The following CAPN15 variants were observed in gnomAD, a reference collection of about 807,000 sequenced individuals.
CAPN15 encodes the protein calpain-15.
Under a neutral mutation model 97.9 loss-of-function variants are expected in CAPN15, and 53 were observed. The observed-to-expected ratio is 0.54, with a 90% CI of 0.43 to 0.68. The LOEUF is 0.68. Ranked by LOEUF, CAPN15 falls within the 30% of genes least tolerant of loss-of-function variation. The pLI is 0.00. For missense variants in CAPN15, 1,592 were observed against 1,589.8 expected, an observed-to-expected ratio of 1.00 and a Z score of -0.02; for synonymous variants, 922 against 722.5, an observed-to-expected ratio of 1.28 and a Z score of -4.43.
At chr16:536,467 G>A (rs541634485) in intron 3 of CAPN15, among the ~76,000 whole-genome samples, 63 of 151,632 alleles carry the variant, frequency 4.2e-4, no homozygotes, top group African/African-American at 8.0e-4. Flanking sequence ...CTGTCGCCCC[G>A]GCTGGAGTGC....
Position 547,295 on chromosome 16 carries a change from A to G in CAPN15, c.457A>G (p.Thr153Ala). ...AGGGGGCTGGGCGTGTCCGCGTTGCACGCTGCACAACACGCCCGTGGCCAG... is the reference window on the plus strand; with the variant it reads ...AGGGGGCTGGGCGTGTCCGCGTTGCGCGCTGCACAACACGCCCGTGGCCAG... ...PRGGWACPRCTLHNTPVASSC... is the reference protein window; with the variant it reads ...PRGGWACPRCALHNTPVASSC... Residue 153 changes from threonine to alanine, a missense_variant, in exon 4 of 14, where the codon ACG becomes GCG. This residue lies in a region of CAPN15 where 883 missense variants were observed against 776.6 expected (regional missense o/e 1.14). Transcript: ENST00000219611. 1 of 1,516,856 alleles carries G rather than the reference A, an allele frequency of 6.6e-7. No individual in the cohort carries two copies. Among genetic ancestry groups the G allele is most frequent in the Non-Finnish European group, 8.8e-7 (1 of 1,136,642 alleles). 94.0% of individuals were successfully genotyped at this position (1,516,856 alleles called of 1,614,324 possible). A position where few individuals can be genotyped will look rare whatever the true frequency, so the allele number is the denominator to read the frequency against.
intron 7 of CAPN15, among the ~76,000 whole-genome samples, chr16:550,838 G>C (rs1339003131): frequency 8.0e-6 from 1 of 124,842 alleles, no homozygotes; most frequent in East Asian, 2.4e-4. Flanking sequence ...CCCCGTCGGT[G>C]ATGGCCCCGG....
chr16:554,408 A>AC lies in CAPN15; in HGVS notation c.*896dup, dbSNP rs2035307498. On this transcript the variant is annotated 3_prime_UTR_variant, in exon 14 of 14. Transcript: ENST00000219611. ...CGGCCTCGCCCCCACTCCCCCTCCT[A>AC]CCCCGGCAGGGGCTTCCGGGGCCTT... 2.3e-6 allele frequency: 1 copy of AC among 426,980 alleles called. No homozygotes were observed. The highest frequency in any genetic ancestry group is 2.0e-5 in the African/African-American group (1 of 48,850). The allele number at this position is 426,980 out of a possible 1,614,324, so 26.4% of individuals were successfully genotyped here.
intron 7 of CAPN15, among the ~76,000 whole-genome samples, chr16:550,283 C>T (rs573644814): frequency 5.9e-5 from 9 of 152,350 alleles, no homozygotes; most frequent in Admixed American, 5.2e-4. Flanking sequence ...GAGCCCTCCT[C>T]TCAGCTGACC....
At position 547,193 on chromosome 16, in the gene CAPN15, G is replaced by C. The variant is rs560874988; in HGVS notation, c.355G>C (p.Ala119Pro). The C allele has an allele frequency of 4.6e-6, 7 of 1,532,958 alleles. No individual in the cohort carries two copies. The highest frequency in any genetic ancestry group is 1.8e-4 in the Middle Eastern group (1 of 5,626). 95.0% of individuals were successfully genotyped at this position (1,532,958 alleles called of 1,614,324 possible). The part of the protein sequence containing the change: ...RTAGLVATEP[A>P]RGQCEDKDEE... ...TGCGGGGCTGGTGGCCACGGAGCCC[G>C]CCAGGGGGCAGTGCGAGGACAAGGA... The change falls in exon 4 of 14, where the codon GCC (alanine) becomes CCC (proline). Residue 119 changes from alanine to proline, a missense_variant. Physicochemically the swap from Ala to Pro is conservative, Grantham distance 27. Transcript: ENST00000219611.
intron 3 of CAPN15, among the ~76,000 whole-genome samples, chr16:546,290 A>G (rs181287137): frequency 3.7e-4 from 56 of 152,220 alleles, no homozygotes; most frequent in Non-Finnish European, 7.2e-4. Context: ...TTCAGGCCAT[A>G]TTTACAAGAA....
At chr16:537,637 A>G (rs1404925792) in intron 3 of CAPN15, 1 of 173,500 alleles carries the variant, frequency 5.8e-6, no homozygotes, top group Non-Finnish European at 1.1e-5. Context: ...GGGTTTGGCT[A>G]CAGAAGGGGA....
chr16:538,305 TG>T (rs59037020), intron 3 of CAPN15: 81,434 of 151,066 alleles, frequency 0.54, 23,009 homozygotes, highest in African/African-American at 0.73. Context: ...TTTTTTTTTT[TG>T]ATTTTTTTCC....
Position 551,438 on chromosome 16 carries a change from C to A in CAPN15, c.2192+11C>A, listed in dbSNP as rs923974235. The A allele has an allele frequency of 2.5e-6, 4 of 1,603,240 alleles. No homozygotes were observed. Among genetic ancestry groups the A allele is most frequent in the Non-Finnish European group, 3.4e-6 (4 of 1,172,712 alleles). On this transcript the variant is annotated intron_variant, in intron 8 of 13. Transcript: ENST00000219611. ...TGTCCAGGGCACCAGGTAGGGCCGG[C>A]CTGGCTGAGGGTGGGTGGGGTGCCG...
intron 3 of CAPN15, among the ~76,000 whole-genome samples, chr16:540,676 C>T (rs547453664): frequency 8.5e-5 from 13 of 152,338 alleles, no homozygotes; most frequent in African/African-American, 3.1e-4. Flanking sequence ...GGGTCGCTGG[C>T]GGCTGCAGGC....
intron 3 of CAPN15, chr16:537,259 A>G (rs994841806): frequency 1.0e-6 from 1 of 985,536 alleles, no homozygotes; most frequent in Non-Finnish European, 1.2e-6. Context: ...CTCCAGCTCA[A>G]GAAAGGTTTT....
chr16:534,920 G>C (rs1028049187), intron 2 of CAPN15, among the ~76,000 whole-genome samples: 2 of 152,204 alleles, frequency 1.3e-5, no homozygotes, highest in African/African-American at 2.4e-5. Flanking sequence ...CCAGGAGCAG[G>C]TGCTGTGTGA....
At chr16:540,845 T>A (rs1443181770) in intron 3 of CAPN15, among the ~76,000 whole-genome samples, 1 of 152,196 alleles carries the variant, frequency 6.6e-6, no homozygotes, top group Non-Finnish European at 1.5e-5. Context: ...ACCCGCTGCG[T>A]CCCTCAGGAG....
Position 548,100 on chromosome 16 carries a change from G to A in CAPN15, c.1262G>A (p.Cys421Tyr). 1 of 1,541,792 alleles carries A rather than the reference G, an allele frequency of 6.5e-7. No homozygotes were observed. The highest frequency in any genetic ancestry group is 8.7e-7 in the Non-Finnish European group (1 of 1,144,382). ...CCGGGCCAGTGGGCCTGCCCTGCCTGTACCCTGCTCAACGCACTGCGGGCC... is the reference window on the plus strand; with the variant it reads ...CCGGGCCAGTGGGCCTGCCCTGCCTATACCCTGCTCAACGCACTGCGGGCC... The part of the protein sequence containing the change: ...ERPGQWACPA[C>Y]TLLNALRAKH... The change falls in exon 4 of 14, where the codon TGT becomes TAT. Residue 421 changes from cysteine (C) to tyrosine (Y), a missense_variant. By Grantham distance (194) the Cys-to-Tyr change is radical. Transcript: ENST00000219611.
rs374570916 is a variant in CAPN15, at chr16:552,374, G to T, written c.2581G>T (p.Gly861Cys). Residue 861 changes from glycine to cysteine, a missense_variant, in exon 11 of 14, where the codon GGC becomes TGC. Physicochemically the swap from Gly to Cys is radical, Grantham distance 159. Transcript: ENST00000219611. This position sits in a 1 kb window ranked among gnomAD's most constrained non-coding sequence, Gnocchi z 6.4. ...GTTCCGGGCCACGTTCGGCAGCGGC[G>T]GCCACCTCAGCCTGGGCCGCCTCCT... The part of the protein sequence containing the change: ...LVFRATFGSG[G>C]HLSLGRLLAH... The T allele has an allele frequency of 6.2e-7, 1 of 1,602,348 alleles. No homozygotes were observed.
chr16:544,133 C>T (rs1358270288), intron 3 of CAPN15, among the ~76,000 whole-genome samples: 2 of 152,162 alleles, frequency 1.3e-5, no homozygotes, highest in Non-Finnish European at 2.9e-5. Flanking sequence ...GGCTGACCGG[C>T]GCCGGGCTGT....
At position 549,982 on chromosome 16, in the gene CAPN15, A is replaced by G. The variant is rs1567155937; in HGVS notation, c.2066+144A>G. On this transcript the variant is annotated intron_variant, in intron 7 of 13. Transcript: ENST00000219611. ...TGGGCTGACCCCGCGTGGCCAGGCCACAGCCCCAATCACCTCCCCCTCCCT... is the reference window on the plus strand; with the variant it reads ...TGGGCTGACCCCGCGTGGCCAGGCCGCAGCCCCAATCACCTCCCCCTCCCT... The G allele has an allele frequency of 3.3e-5, 22 of 659,402 alleles. 2 individuals carry two copies. The East Asian group carries it at 5.8e-4, about 17-fold the overall frequency. The allele number at this position is 659,402 out of a possible 1,614,324, so 40.8% of individuals were successfully genotyped here.
At chr16:545,408 C>T (rs770763669) in intron 3 of CAPN15, among the ~76,000 whole-genome samples, 2 of 152,134 alleles carry the variant, frequency 1.3e-5, no homozygotes, top group South Asian at 2.1e-4. Context: ...GCGCAGACTG[C>T]GGGGTCAGTG....
rs368490813 is a variant in CAPN15 at position 549,617 on chromosome 16, G to A, written c.1845G>A (p.Ala615=). 422 of 1,540,066 alleles carry A rather than the reference G, an allele frequency of 2.7e-4. 1 individual carries two copies. In the African/African-American group the frequency reaches 4.3e-3, roughly 16 times the overall value. Reference sequence around the variant, plus strand: ...GCCTCTGACCCGGCCCTCTGCAGGCGCAGCGGAAGCAGCTGTGGGTGGCCC... The same window carrying A: ...GCCTCTGACCCGGCCCTCTGCAGGCACAGCGGAAGCAGCTGTGGGTGGCCC... ...DEAGCLLFSQ[A]QRKQLWVALI... is the part of the protein sequence containing the mutation. Residue 615 remains alanine, a splice_region_variant and synonymous_variant, in exon 7 of 14, where the codon GCG becomes GCA. Transcript: ENST00000219611.
Sources: gnomAD v4.1 joint callset for allele counts (sites outside exome capture counted in the v4.1 genomes callset) on GRCh38, gnomAD v4.1.1 for gene constraint, gnomAD v4.1.1 regional missense constraint, Gnocchi (gnomAD v3.1) non-coding constraint, MANE v1.5 for transcripts, NCBI Gene and HGNC (gene_info 2026-07-23, HGNC 2026-07-21) for gene names.